The following CAMTA1 variants were observed in gnomAD, a reference collection of about 807,000 sequenced individuals.
CAMTA1 encodes calmodulin-binding transcription activator 1.
In CAMTA1, 27 loss-of-function variants were observed where a neutral mutation model predicts 170.9. That is an observed-to-expected ratio of 0.16 (90% CI 0.12 to 0.22). The LOEUF (loss-of-function observed/expected upper bound fraction) is 0.22, where lower values mean the gene tolerates loss of function less well. Ranked by LOEUF, CAMTA1 falls within the 10% of genes least tolerant of loss-of-function variation. CAMTA1 has a pLI of 1.00. For missense variants in CAMTA1, 1,619 were observed against 2,217.2 expected (o/e 0.73, Z 5.42); for synonymous variants, 833 against 891.5 (o/e 0.93, Z 1.17).
chr1:6,852,239 G>C lies in CAMTA1; in HGVS notation c.234+27029G>C, dbSNP rs56246433. ...TTCTTTAGATCAACAAAAATGAGAA[G>C]GATTTAAAAGAAAAAGCCAAAACCC... On this transcript the variant is annotated intron_variant, in intron 3 of 22. Transcript: ENST00000303635. 6.4e-3 allele frequency among the ~76,000 whole-genome samples: 967 copies of C among 152,036 alleles called. 6 individuals carry two copies. The highest frequency in any genetic ancestry group is 8.5e-3 in the Non-Finnish European group (577 of 67,960).
intron 5 of CAMTA1, among the ~76,000 whole-genome samples, chr1:7,414,151 C>T (rs1030360957): frequency 6.6e-5 from 10 of 152,132 alleles, no homozygotes; most frequent in African/African-American, 1.7e-4. Context: ...CTGCTGGATT[C>T]GGTTTGCCAG....
chr1:7,414,465 C>A (rs2091012800), intron 5 of CAMTA1, among the ~76,000 whole-genome samples: 1 of 152,170 alleles, frequency 6.6e-6, no homozygotes, highest in African/African-American at 2.4e-5. Context: ...AGAGATTCAA[C>A]TTCTTCCTGG....
rs1260585387 is a variant in CAMTA1 at position 7,286,294 on chromosome 1, AG to A, written c.438+36671del. Among the ~76,000 whole-genome samples the A allele has an allele frequency of 6.6e-6, 1 of 152,202 alleles. No homozygotes were observed. Among genetic ancestry groups the A allele is most frequent in the Admixed American group, 6.5e-5 (1 of 15,278 alleles). On this transcript the variant is annotated intron_variant, in intron 5 of 22. Coordinates refer to ENST00000303635, the MANE Select transcript of CAMTA1 (RefSeq NM_015215.4). The surrounding 1 kb of genome is among the most constrained non-coding windows in gnomAD (Gnocchi z 4.2). ...GCACAGGTGGAGGGGCGGAGGCGCC[AG>A]GGTGTGCCACGTGCTTTTAGAGCTG...
At chr1:7,531,861 C>G (rs1009919933) in intron 6 of CAMTA1, among the ~76,000 whole-genome samples, 2 of 152,250 alleles carry the variant, frequency 1.3e-5, no homozygotes, top group African/African-American at 2.4e-5. Context: ...TCAGGTGGTC[C>G]TGTTCCACTT....
At chr1:6,903,713 AC>A (rs1677641516) in intron 3 of CAMTA1, among the ~76,000 whole-genome samples, 1 of 152,226 alleles carries the variant, frequency 6.6e-6, no homozygotes, top group Non-Finnish European at 1.5e-5. Flanking sequence ...CCTCAGTGTT[AC>A]GAAGAAGTTG....
intron 3 of CAMTA1, among the ~76,000 whole-genome samples, chr1:6,984,760 C>A (rs1180382334): frequency 1.3e-5 from 2 of 152,232 alleles, no homozygotes; most frequent in Non-Finnish European, 2.9e-5. Context: ...TCCTCAGCTG[C>A]CGATGGCTGG....
chr1:7,074,132 G>C (rs576022439), intron 3 of CAMTA1, among the ~76,000 whole-genome samples: 1 of 152,258 alleles, frequency 6.6e-6, no homozygotes, highest in South Asian at 2.1e-4. Flanking sequence ...TACCCTCCTG[G>C]GGTTGGAAGT....
rs1247731828 is a variant in CAMTA1 at position 7,732,820 on chromosome 1, CT to C, written c.3066+222del. Among the ~76,000 whole-genome samples the C allele has an allele frequency of 2.6e-5, 4 of 152,278 alleles. No individual in the cohort carries two copies. The South Asian group carries it at 6.2e-4, about 24-fold the overall frequency. ...TGGAGCTTCTCAGTTGTTTACCCCC[CT>C]AATCCTTAAGTTATCTCTATTAATC... On this transcript the variant is annotated intron_variant, in intron 12 of 22. Coordinates refer to ENST00000303635, the MANE Select transcript of CAMTA1 (RefSeq NM_015215.4). This position sits in a 1 kb window ranked among gnomAD's most constrained non-coding sequence, Gnocchi z 4.1.
intron 6 of CAMTA1, among the ~76,000 whole-genome samples, chr1:7,548,378 G>C (rs1279178695): frequency 1.3e-5 from 2 of 152,138 alleles, no homozygotes; most frequent in Non-Finnish European, 2.9e-5. Flanking sequence ...AGGAATGGAG[G>C]TGCCCATGGA....
rs1655254995 is a variant in CAMTA1, at chr1:7,195,018, A to C, written c.303-54473A>C. 6.6e-6 allele frequency among the ~76,000 whole-genome samples: 1 copy of C among 152,202 alleles called. No homozygotes were observed. Among genetic ancestry groups the C allele is most frequent in the African/African-American group, 2.4e-5 (1 of 41,442 alleles). ...TGGACTAAAACGTGGTAAATTGTCA[A>C]ACTTCTCAGAGTAGGAAGATGTCTG... On this transcript the variant is annotated intron_variant, in intron 4 of 22. Coordinates refer to ENST00000303635, the MANE Select transcript of CAMTA1 (RefSeq NM_015215.4). This position sits in a 1 kb window ranked among gnomAD's most constrained non-coding sequence, Gnocchi z 4.1.
At position 7,670,786 on chromosome 1, in the gene CAMTA1, G is replaced by C. The variant is rs376141163; in HGVS notation, c.2653-125G>C. On this transcript the variant is annotated intron_variant, in intron 9 of 22. Coordinates refer to ENST00000303635, the MANE Select transcript of CAMTA1 (RefSeq NM_015215.4). ...ACTGCAATCCCTGGAGTGAGGGCCT[G>C]GGAATCTGCATGGGGCGAGGGGTAC... 2.7e-5 allele frequency: 29 copies of C among 1,069,604 alleles called. No homozygotes were observed. In the East Asian group the frequency reaches 7.1e-4, roughly 26 times the overall value. The allele number at this position is 1,069,604 out of a possible 1,614,324, so 66.3% of individuals were successfully genotyped here.
intron 6 of CAMTA1, among the ~76,000 whole-genome samples, chr1:7,486,351 G>A (rs1200755337): frequency 6.6e-6 from 1 of 152,202 alleles, no homozygotes; most frequent in African/African-American, 2.4e-5. Flanking sequence ...TCTCAAAAAT[G>A]TACCAGGCTG....
chr1:7,744,818 T>C lies in CAMTA1; in HGVS notation c.4183-17T>C. 6.2e-7 allele frequency: 1 copy of C among 1,607,716 alleles called. No homozygotes were observed. The highest frequency in any genetic ancestry group is 1.1e-5 in the South Asian group (1 of 90,070). ...GTTCCTTTCTAACCTGAGTGTTCTG[T>C]GAACTTCTGACTTCAGGTGAACATG... On this transcript the variant is annotated splice_polypyrimidine_tract_variant and intron_variant, in intron 16 of 22. Coordinates refer to ENST00000303635, the MANE Select transcript of CAMTA1 (RefSeq NM_015215.4).
At chr1:7,537,382 G>A (rs2094561758) in intron 6 of CAMTA1, among the ~76,000 whole-genome samples, 1 of 152,252 alleles carries the variant, frequency 6.6e-6, no homozygotes, top group Admixed American at 6.5e-5. Flanking sequence ...CCAGCAGCCA[G>A]GTGCAGCCCC....
chr1:7,612,440 G>C (rs1558002431), intron 6 of CAMTA1, among the ~76,000 whole-genome samples: 1 of 152,180 alleles, frequency 6.6e-6, no homozygotes, highest in Non-Finnish European at 1.5e-5. Flanking sequence ...TCATCTGTCT[G>C]TGGATCCTGG....
intron 7 of CAMTA1, among the ~76,000 whole-genome samples, chr1:7,659,425 T>C (rs1427328060): frequency 2.0e-5 from 3 of 151,770 alleles, no homozygotes; most frequent in Admixed American, 6.6e-5. Flanking sequence ...TCCCAGCTAT[T>C]CAGGAGGCTG....
chr1:7,037,419 G>A (rs1703759499), intron 3 of CAMTA1, among the ~76,000 whole-genome samples: 1 of 152,198 alleles, frequency 6.6e-6, no homozygotes, highest in African/African-American at 2.4e-5. Context: ...TGCTCCGGCT[G>A]GAATCAACGA....
intron 3 of CAMTA1, among the ~76,000 whole-genome samples, chr1:6,847,223 T>C (rs1228775941): frequency 2.0e-5 from 3 of 152,076 alleles, no homozygotes; most frequent in African/African-American, 7.2e-5. Flanking sequence ...CAGGCATGTC[T>C]CGAACTCCTG....
chr1:7,207,455 TA>T (rs1247918200), intron 4 of CAMTA1, among the ~76,000 whole-genome samples: 5 of 152,228 alleles, frequency 3.3e-5, no homozygotes, highest in Non-Finnish European at 5.9e-5. Context: ...CTTCTTGTTT[TA>T]AAAAGCTGAA....
Sources: allele counts gnomAD v4.1 joint callset (sites outside exome capture counted in the v4.1 genomes callset), GRCh38; gene constraint gnomAD v4.1.1; non-coding constraint Gnocchi (gnomAD v3.1); transcripts MANE v1.5; gene names NCBI Gene and HGNC (gene_info 2026-07-23, HGNC 2026-07-21).